Variants in HUWE1 observed in about 807,000 individuals in gnomAD.
HUWE1 encodes the protein E3 ubiquitin-protein ligase HUWE1.
HUWE1 carries 18 observed loss-of-function variants against 299.4 expected under a neutral mutation model. That is an observed-to-expected ratio of 0.06 (90% CI 0.04 to 0.09). The LOEUF (loss-of-function observed/expected upper bound fraction) is 0.09, where lower values mean the gene tolerates loss of function less well. HUWE1 is among the 10% of genes least tolerant of loss of function. HUWE1 has a pLI of 1.00. For synonymous variants in HUWE1, 1,317 were observed against 1,286.1 expected (o/e 1.02, Z -0.51); for missense variants, 1,832 against 3,462.3 (o/e 0.53, Z 11.82).
chrX:53,647,628 G>A, intron 5 of HUWE1, 54 bp from the exon 6 acceptor site: 1 of 907,542 alleles, frequency 1.1e-6, no homozygotes. Flanking sequence ...CGCCGCATGG[G>A]TGCTTTCTAA....
chrX:53,567,714 G>A (rs782197188), intron 49 of HUWE1, among the ~76,000 whole-genome samples: 1 of 111,978 alleles, frequency 8.9e-6, no homozygotes, highest in African/African-American at 3.2e-5. Context: ...ATCAACTGAT[G>A]TTAAGGCTAT....
At chrX:53,578,822 C>T (rs1238423738) in intron 43 of HUWE1, among the ~76,000 whole-genome samples, 2 of 75,084 alleles carry the variant, frequency 2.7e-5, no homozygotes, top group African/African-American at 5.1e-5. Context: ...GTCAGCCCCC[C>T]GCCCGGCCAG....
intron 3 of HUWE1, among the ~76,000 whole-genome samples, chrX:53,667,943 GAC>G (rs781865994): frequency 9.0e-6 from 1 of 111,548 alleles, no homozygotes; most frequent in African/African-American, 3.3e-5. Flanking sequence ...ATCTAGCCAT[GAC>G]AATGTTTTCC....
chrX:53,610,369 G>A (rs1160683145), intron 23 of HUWE1, among the ~76,000 whole-genome samples: 2 of 112,036 alleles, frequency 1.8e-5, no homozygotes, highest in Non-Finnish European at 3.8e-5. Context: ...AATTTGTTCA[G>A]TAACCACTTT....
chrX:53,669,915 T>C (rs1376176214), intron 3 of HUWE1, among the ~76,000 whole-genome samples: 1 of 112,477 alleles, frequency 8.9e-6, no homozygotes, highest in Non-Finnish European at 1.9e-5. Flanking sequence ...TAAACTATTA[T>C]TTTGTTTCAA....
chrX:53,605,451 G>T (rs958111216), intron 25 of HUWE1, among the ~76,000 whole-genome samples: 1 of 111,921 alleles, frequency 8.9e-6, no homozygotes, highest in Non-Finnish European at 1.9e-5. Context: ...TCTCTGTGAT[G>T]AAGAGCATTT....
chrX:53,665,503 G>C (rs2069206928), intron 3 of HUWE1, among the ~76,000 whole-genome samples: 1 of 111,798 alleles, frequency 8.9e-6, no homozygotes, highest in African/African-American at 3.3e-5. Flanking sequence ...CTTTGAACGT[G>C]AGAATAGTAT....
At chrX:53,551,546 C>T (rs782454139) in intron 63 of HUWE1, 66 bp from the exon 64 acceptor site, 2 of 1,011,444 alleles carry the variant, frequency 2.0e-6, no homozygotes, top group African/African-American at 3.8e-5. Context: ...GGGTCTTGGT[C>T]TGTTGCCCAG....
intron 19 of HUWE1, among the ~76,000 whole-genome samples, chrX:53,620,027 C>T (rs1285893008): frequency 9.0e-6 from 1 of 111,687 alleles, no homozygotes; most frequent in Non-Finnish European, 1.9e-5. Context: ...GCCACTGCCC[C>T]AATCTGCTGG....
At position 53,551,290 on chromosome X, in the gene HUWE1, G is replaced by A. The variant is rs368195820; in HGVS notation, c.9072C>T (p.Ala3024=). 1.7e-6 allele frequency: 2 copies of A among 1,208,876 alleles called. No homozygotes were observed. The highest frequency in any genetic ancestry group is 2.2e-6 in the Non-Finnish European group (2 of 894,687). The stretch of plus-strand genomic sequence containing the variant: ...CTTCCTCCTGAATGGCTGGAGGCAG[G>A]GCAGCCAGAAACTCAGGGCTCACTT... The part of the protein sequence containing the change: ...VTEVSPEFLA[A]LPPAIQEEVL... The change falls in exon 64 of 84, where the codon GCC becomes GCT. Residue 3024 remains alanine, a synonymous_variant. Transcript: ENST00000262854.
chrX:53,541,417 G>C (rs1294654273), intron 74 of HUWE1, among the ~76,000 whole-genome samples: 1 of 109,396 alleles, frequency 9.1e-6, no homozygotes, highest in East Asian at 2.9e-4. Context: ...GCGAAACCCT[G>C]TCTCTACTAA....
At chrX:53,587,627 T>C (rs1330318313) in intron 37 of HUWE1, among the ~76,000 whole-genome samples, 1 of 111,911 alleles carries the variant, frequency 8.9e-6, no homozygotes, top group East Asian at 2.8e-4. Context: ...CTCTGAAACC[T>C]TTCCCACAAG....
At chrX:53,676,373 G>C (rs2069823343) in intron 3 of HUWE1, among the ~76,000 whole-genome samples, 1 of 111,309 alleles carries the variant, frequency 9.0e-6, no homozygotes, top group African/African-American at 3.3e-5. Flanking sequence ...AACTGCCTGG[G>C]CTCCATGATC....
At chrX:53,673,246 G>C (rs2069646929) in intron 3 of HUWE1, among the ~76,000 whole-genome samples, 1 of 111,469 alleles carries the variant, frequency 9.0e-6, no homozygotes, top group East Asian at 2.8e-4. Flanking sequence ...TGATTGTAAG[G>C]GGGGAAGGGA....
chrX:53,537,810 T>G, intron 77 of HUWE1, 114 bp from the exon 78 acceptor site: 1 of 769,853 alleles, frequency 1.3e-6, no homozygotes, highest in Non-Finnish European at 1.9e-6. Flanking sequence ...AACACTTTGA[T>G]CTCTGCTCCA....
intron 69 of HUWE1, 32 bp downstream of exon 69, chrX:53,546,672 A>C: frequency 8.3e-7 from 1 of 1,211,048 alleles, no homozygotes; most frequent in South Asian, 1.8e-5. Context: ...TTTCTCCCCA[A>C]GTCTTAGCAG....
intron 3 of HUWE1, among the ~76,000 whole-genome samples, chrX:53,656,112 A>G (rs2068732226): frequency 9.2e-6 from 1 of 108,381 alleles, no homozygotes; most frequent in Admixed American, 9.9e-5. Context: ...GCAGTGGCTC[A>G]CACCTGTAAT....
chrX:53,643,729 C>T (rs2067774460), intron 7 of HUWE1, among the ~76,000 whole-genome samples: 1 of 112,207 alleles, frequency 8.9e-6, no homozygotes, highest in African/African-American at 3.2e-5. Flanking sequence ...TCTTGGCTAC[C>T]TCACTGTGCT....
rs1264500319 is a variant in HUWE1 at position 53,532,831 on chromosome X, C to CA, written c.*477dup. 2 of 110,332 alleles carry CA rather than the reference C, an allele frequency of 1.8e-5. No individual in the cohort carries two copies. The highest frequency in any genetic ancestry group is 9.7e-5 in the Admixed American group (1 of 10,274). 9.1% of individuals were successfully genotyped at this position (110,332 alleles called of 1,213,427 possible). A position where few individuals can be genotyped will look rare whatever the true frequency, so the allele number is the denominator to read the frequency against. ...CTCTTTATTTGAAACCTCCACAACACAGACGCCAATCTTGTCTCGCATTGA... is the reference window on the plus strand; with the variant it reads ...CTCTTTATTTGAAACCTCCACAACACAAGACGCCAATCTTGTCTCGCATTGA... On this transcript the variant is annotated 3_prime_UTR_variant, in exon 84 of 84. Transcript: ENST00000262854.
Sources: allele counts gnomAD v4.1 joint callset (sites outside exome capture counted in the v4.1 genomes callset), GRCh38; gene constraint gnomAD v4.1.1; transcripts MANE v1.5; gene names NCBI Gene and HGNC (gene_info 2026-07-23, HGNC 2026-07-21).